NDUFA10: variants seen among roughly 807,000 people sequenced by gnomAD.
NDUFA10 encodes the protein NADH:ubiquinone oxidoreductase subunit A10, also known as NADH dehydrogenase [ubiquinone] 1 alpha subcomplex subunit 10, mitochondrial.
A neutral mutation model predicts 47.8 loss-of-function variants in NDUFA10; 40 were observed. That is an observed-to-expected ratio of 0.84 (90% CI 0.65 to 1.09). The LOEUF (loss-of-function observed/expected upper bound fraction) is 1.09, where lower values mean the gene tolerates loss of function less well. Ranked by LOEUF, NDUFA10 falls within the 50% of genes least tolerant of loss-of-function variation. The probability of loss-of-function intolerance (pLI) is 0.00; values close to 1 mark genes in which losing one functional copy is unlikely to be tolerated. For missense variants in NDUFA10, 413 were observed against 451.1 expected, an observed-to-expected ratio of 0.92 and a Z score of 0.76; for synonymous variants, 183 against 172.2, an observed-to-expected ratio of 1.06 and a Z score of -0.49.
intron 4 of NDUFA10, among the ~76,000 whole-genome samples, chr2:239,904,182 C>T (rs1693603673): frequency 6.6e-6 from 1 of 152,196 alleles, no homozygotes; most frequent in South Asian, 2.1e-4. Flanking sequence ...TGGCCAGAAC[C>T]TTCCAGTGTG....
chr2:239,930,261 GCCCTGCTTCTCCACCAC>G (rs1256435713), intron 4 of NDUFA10, among the ~76,000 whole-genome samples: 1 of 125,674 alleles, frequency 8.0e-6, no homozygotes, highest in Non-Finnish European at 1.8e-5. Flanking sequence ...TCCTCCGCCA[GCCCTGCTTCTCCACCAC>G]CCCTGCTCCT....
At chr2:239,956,240 T>C (rs1442600974), downstream of NDUFA10, among the ~76,000 whole-genome samples, 3 of 152,080 alleles carry the variant, frequency 2.0e-5, no homozygotes, top group Non-Finnish European at 4.4e-5. Flanking sequence ...ATCCCCACCA[T>C]ACATGCAAGA....
At chr2:239,996,809 CTTTTT>C (rs112180218) in intron 8 of NDUFA10, among the ~76,000 whole-genome samples, 6 of 144,140 alleles carry the variant, frequency 4.2e-5, no homozygotes, top group Non-Finnish European at 9.1e-5. Context: ...GTTTTTTTGC[CTTTTT>C]TTTTTTTTAA....
At chr2:239,894,576 G>A (rs1026599110) in intron 5 of NDUFA10, among the ~76,000 whole-genome samples, 9 of 152,040 alleles carry the variant, frequency 5.9e-5, no homozygotes, top group African/African-American at 2.2e-4. Flanking sequence ...GGGTCCTCTT[G>A]TTGTCCCAGT....
At chr2:239,941,049 G>T (rs1225692436) in intron 4 of NDUFA10, among the ~76,000 whole-genome samples, 1 of 152,206 alleles carries the variant, frequency 6.6e-6, no homozygotes, top group Admixed American at 6.5e-5. Flanking sequence ...GGAAGGGTAA[G>T]CGAAACTGGA....
At chr2:239,953,853 C>T (rs1694603846), downstream of NDUFA10, among the ~76,000 whole-genome samples, 1 of 152,266 alleles carries the variant, frequency 6.6e-6, no homozygotes, top group South Asian at 2.1e-4. Context: ...CGCTTCCAAA[C>T]CCACACACTG....
intron 8 of NDUFA10, among the ~76,000 whole-genome samples, chr2:239,997,319 A>T (rs1361520243): frequency 6.6e-6 from 1 of 152,210 alleles, no homozygotes; most frequent in African/African-American, 2.4e-5. Flanking sequence ...GGTTCTTCGA[A>T]AAAGTTAATA....
chr2:239,983,150 GGGAGGGGACTACC>G (rs1187610831), intron 9 of NDUFA10, among the ~76,000 whole-genome samples: 8 of 152,216 alleles, frequency 5.3e-5, no homozygotes, highest in Non-Finnish European at 1.2e-4. Context: ...AGGCTCAGGA[GGGAGGGGACTACC>G]GGAGGGGAGG....
intron 4 of NDUFA10, among the ~76,000 whole-genome samples, chr2:239,918,172 AG>A (rs1012978485): frequency 9.2e-5 from 14 of 152,148 alleles, no homozygotes; most frequent in African/African-American, 3.4e-4. Context: ...TGCATCAAGG[AG>A]GGTGCCACAG....
At chr2:239,938,727 C>A (rs879457176) in intron 4 of NDUFA10, among the ~76,000 whole-genome samples, 1 of 152,080 alleles carries the variant, frequency 6.6e-6, no homozygotes, top group East Asian at 1.9e-4. Context: ...ATCAGTTAAA[C>A]GGGGGCGGCT....
chr2:239,933,550 T>G lies in NDUFA10; in HGVS notation c.295-38236A>C, dbSNP rs182515874. On this transcript the variant is annotated intron_variant, in intron 4 of 5. Coordinates refer to the NDUFA10 transcript ENST00000419408. ...TTGTTTTGTTTTGACGGAATCTCGC[T>G]CTGTCACCCAGGCTGGAGTGCAGTG... Among the ~76,000 whole-genome samples, 20 of 151,570 alleles carry G rather than the reference T, an allele frequency of 1.3e-4. No individual in the cohort carries two copies. The East Asian group carries it at 3.7e-3, about 28-fold the overall frequency.
At chr2:240,003,833 C>A (rs1051325152) in intron 8 of NDUFA10, among the ~76,000 whole-genome samples, 1 of 152,014 alleles carries the variant, frequency 6.6e-6, no homozygotes, top group African/African-American at 2.4e-5. Flanking sequence ...TCCCGGGTGG[C>A]CAGCACCAGC....
chr2:239,965,971 T>C (rs981730355), intron 9 of NDUFA10, among the ~76,000 whole-genome samples: 1 of 152,234 alleles, frequency 6.6e-6, no homozygotes, highest in African/African-American at 2.4e-5. Context: ...GCTCTTTCCC[T>C]GTATTCCATT....
chr2:239,897,869 C>T (rs1375606122), intron 4 of NDUFA10, among the ~76,000 whole-genome samples: 1 of 152,250 alleles, frequency 6.6e-6, no homozygotes, highest in South Asian at 2.1e-4. Flanking sequence ...CCAGCCTCAG[C>T]TCCAGAAGCA....
intron 9 of NDUFA10, among the ~76,000 whole-genome samples, chr2:239,985,408 G>A (rs949937406): frequency 9.3e-5 from 14 of 151,302 alleles, no homozygotes; most frequent in African/African-American, 2.9e-4. Flanking sequence ...AGATTAGAAC[G>A]AGCTGAAAGG....
At chr2:239,946,984 G>A (rs1456244938) in intron 4 of NDUFA10, among the ~76,000 whole-genome samples, 1 of 152,238 alleles carries the variant, frequency 6.6e-6, no homozygotes, top group Non-Finnish European at 1.5e-5. Context: ...AAGTGCCAGG[G>A]CAGTGTCCAG....
downstream of NDUFA10, among the ~76,000 whole-genome samples, chr2:239,956,183 T>C (rs1345301613): frequency 2.0e-5 from 3 of 152,178 alleles, no homozygotes; most frequent in Non-Finnish European, 2.9e-5. Flanking sequence ...CAAGCAGCGC[T>C]GCGTCCCCAG....
chr2:239,949,466 A>C (rs1467226682), intron 4 of NDUFA10, among the ~76,000 whole-genome samples: 1 of 152,150 alleles, frequency 6.6e-6, no homozygotes, highest in Non-Finnish European at 1.5e-5. Context: ...GTCTGGAAAG[A>C]ACAGAAAGGT....
In NDUFA10 at chr2:239,959,450, T is replaced by C; in HGVS notation, c.*1668A>G. The C allele has an allele frequency of 6.1e-6, 6 of 985,488 alleles. No homozygotes were observed. Among genetic ancestry groups the C allele is most frequent in the Non-Finnish European group, 7.2e-6 (6 of 829,952 alleles). The allele number at this position is 985,488 out of a possible 1,614,324, so 61.0% of individuals were successfully genotyped here. A position where few individuals can be genotyped will look rare whatever the true frequency, so the allele number is the denominator to read the frequency against. The stretch of plus-strand genomic sequence containing the variant: ...TCTTTCCTCCCCTCCACAATGGGTT[T>C]GTGAAGTGCTCAGAGCAAAAGACAC... On this transcript the variant is annotated 3_prime_UTR_variant, in exon 10 of 10. Transcript: ENST00000252711.
Sources: gnomAD v4.1 joint callset for allele counts (sites outside exome capture counted in the v4.1 genomes callset) on GRCh38, gnomAD v4.1.1 for gene constraint, MANE v1.5 for transcripts, NCBI Gene and HGNC (gene_info 2026-07-23, HGNC 2026-07-21) for gene names.